Variants in HECW1 observed in about 807,000 individuals in gnomAD.
The protein encoded by HECW1 is HECT, C2 and WW domain containing E3 ubiquitin protein ligase 1, also known as E3 ubiquitin-protein ligase HECW1.
HECW1 carries 61 observed loss-of-function variants against 182.3 expected under a neutral mutation model. That is an observed-to-expected ratio of 0.33 (90% CI 0.27 to 0.41). The LOEUF is 0.41. Among genes scored for constraint, HECW1 ranks in the 10% least tolerant of loss-of-function variants. The probability of loss-of-function intolerance (pLI) is 1.00; values close to 1 mark genes in which losing one functional copy is unlikely to be tolerated. For synonymous variants in HECW1, 859 were observed against 832.6 expected, an observed-to-expected ratio of 1.03 and a Z score of -0.55; for missense variants, 1,739 against 2,108.9, an observed-to-expected ratio of 0.82 and a Z score of 3.44.
chr7:43,206,696 C>T (rs1795513182), intron 2 of HECW1, among the ~76,000 whole-genome samples: 1 of 152,306 alleles, frequency 6.6e-6, no homozygotes, highest in East Asian at 1.9e-4. Context: ...TTTTTGTAAA[C>T]TTCCAAGTCT....
At chr7:43,390,559 A>C (rs1215858337) in intron 6 of HECW1, among the ~76,000 whole-genome samples, 2 of 151,526 alleles carry the variant, frequency 1.3e-5, no homozygotes, top group East Asian at 1.9e-4. Context: ...CAAAAAAAAA[A>C]CAGCAGAGTT....
At chr7:43,267,452 A>G (rs1163506193) in intron 3 of HECW1, among the ~76,000 whole-genome samples, 1 of 152,082 alleles carries the variant, frequency 6.6e-6, no homozygotes. Flanking sequence ...GACTAAAATT[A>G]TTTACAGGGA....
intron 6 of HECW1, among the ~76,000 whole-genome samples, chr7:43,383,392 CCCA>C (rs1402178572): frequency 6.6e-6 from 1 of 152,234 alleles, no homozygotes; most frequent in Non-Finnish European, 1.5e-5. Flanking sequence ...AATTTACACT[CCCA>C]CCAATAGTGT....
rs145955746 is a variant in HECW1, at chr7:43,420,768, C to T, written c.801+13037C>T. ...AGAGGAGGAATATGGTTACACCGTG[C>T]ACTACCACTTTGCTGAGAGAAATTT... On this transcript the variant is annotated intron_variant, in intron 8 of 29. Coordinates refer to ENST00000395891, the MANE Select transcript of HECW1 (RefSeq NM_015052.5). 6.6e-3 allele frequency among the ~76,000 whole-genome samples: 1,010 copies of T among 152,276 alleles called. 10 individuals carry two copies. Among genetic ancestry groups the T allele is most frequent in the Admixed American group, 0.011 (166 of 15,298 alleles).
intron 3 of HECW1, among the ~76,000 whole-genome samples, chr7:43,256,065 T>C (rs1345845564): frequency 5.9e-5 from 9 of 152,210 alleles, no homozygotes; most frequent in Non-Finnish European, 2.9e-5. Flanking sequence ...AGTGTGCTGC[T>C]CACCATCTCA....
intron 2 of HECW1, chr7:43,162,905 A>G (rs890078324): frequency 1.4e-4 from 21 of 152,214 alleles, no homozygotes; most frequent in African/African-American, 5.1e-4. Context: ...AGAGGCAACT[A>G]TTGTTACTGT....
At chr7:43,360,608 A>G (rs1353685879) in intron 5 of HECW1, among the ~76,000 whole-genome samples, 2 of 152,218 alleles carry the variant, frequency 1.3e-5, no homozygotes. Context: ...AGTGTTTTAA[A>G]TCAATGACCT....
intron 2 of HECW1, chr7:43,118,437 G>A (rs1281020496): frequency 1.3e-5 from 2 of 152,588 alleles, no homozygotes; most frequent in African/African-American, 4.8e-5. Context: ...GGGAAAAGAT[G>A]GGGAGAATAA....
intron 8 of HECW1, among the ~76,000 whole-genome samples, chr7:43,416,287 T>C (rs1437559320): frequency 1.1e-3 from 158 of 146,950 alleles, no homozygotes; most frequent in African/African-American, 2.8e-3. Flanking sequence ...AGTACCCTGC[T>C]GTGTGAGGTG....
At chr7:43,225,788 G>T (rs1797370194) in intron 2 of HECW1, among the ~76,000 whole-genome samples, 1 of 151,988 alleles carries the variant, frequency 6.6e-6, no homozygotes, top group African/African-American at 2.4e-5. Context: ...TAACTGAATA[G>T]ATCTTTTTTT....
chr7:43,213,439 A>ATTTTT (rs35199868), intron 2 of HECW1, among the ~76,000 whole-genome samples: 11 of 92,478 alleles, frequency 1.2e-4, no homozygotes, highest in East Asian at 7.9e-4. Context: ...GATCATAAGA[A>ATTTTT]TTTTTTTTTT....
intron 17 of HECW1, among the ~76,000 whole-genome samples, chr7:43,488,872 A>G (rs1198218772): frequency 1.3e-5 from 2 of 152,128 alleles, no homozygotes; most frequent in African/African-American, 4.8e-5. Context: ...TATTTCCTCT[A>G]TCACACTCAT....
intron 2 of HECW1, among the ~76,000 whole-genome samples, chr7:43,143,173 G>A (rs111333403): frequency 8.5e-5 from 13 of 152,290 alleles, no homozygotes; most frequent in African/African-American, 2.9e-4. Context: ...GTTTTACCAT[G>A]TTGGCCAGAC....
chr7:43,307,113 C>A (rs920220910), intron 3 of HECW1, among the ~76,000 whole-genome samples: 1 of 152,140 alleles, frequency 6.6e-6, no homozygotes, highest in African/African-American at 2.4e-5. Flanking sequence ...GGTTTTTACT[C>A]CCATAGCAGG....
chr7:43,172,953 C>G (rs532695533), intron 2 of HECW1, among the ~76,000 whole-genome samples: 7 of 152,158 alleles, frequency 4.6e-5, no homozygotes, highest in Non-Finnish European at 1.0e-4. Context: ...CTTGAATGTG[C>G]CTTTAAGCAC....
chr7:43,463,677 G>A lies in HECW1; in HGVS notation c.2669G>A (p.Arg890Gln), dbSNP rs1260330810. The A allele has an allele frequency of 6.2e-6, 10 of 1,613,550 alleles. No homozygotes were observed. The highest frequency in any genetic ancestry group is 1.3e-5 in the African/African-American group (1 of 74,854). Residue 890 changes from arginine to glutamine, a missense_variant, in exon 14 of 30, where the codon CGA becomes CAA. Arg to Gln is a conservative substitution (Grantham distance 43, BLOSUM62 1). This residue lies in a region of HECW1 where 971 missense variants were observed against 1,029.1 expected (regional missense o/e 0.94). Coordinates refer to ENST00000395891, the MANE Select transcript of HECW1 (RefSeq NM_015052.5). ...QLNRRYQNIQ[R>Q]TIATERSEED... ...ATGCAAAGGTATCAAAACATTCAGC[G>A]AACCATTGCAACAGAGAGGTCCGAA...
intron 12 of HECW1, among the ~76,000 whole-genome samples, chr7:43,455,883 C>G (rs2077386178): frequency 6.6e-6 from 1 of 152,088 alleles, no homozygotes; most frequent in Non-Finnish European, 1.5e-5. Flanking sequence ...CACCTGTAAT[C>G]CCAGCTACTT....
At chr7:43,439,247 A>G (rs968398325) in intron 9 of HECW1, 1 of 152,212 alleles carries the variant, frequency 6.6e-6, no homozygotes, top group Non-Finnish European at 1.5e-5. Context: ...TAGTCCTCAT[A>G]ATGCTTCTGT....
chr7:43,330,573 G>A (rs1454934758), intron 5 of HECW1, among the ~76,000 whole-genome samples: 1 of 152,222 alleles, frequency 6.6e-6, no homozygotes, highest in Non-Finnish European at 1.5e-5. Context: ...GGAAGTCAAG[G>A]GAGGAGAAAC....
Sources: allele counts gnomAD v4.1 joint callset (sites outside exome capture counted in the v4.1 genomes callset), GRCh38; gene constraint gnomAD v4.1.1; regional missense constraint gnomAD v4.1.1; transcripts MANE v1.5; gene names NCBI Gene and HGNC (gene_info 2026-07-23, HGNC 2026-07-21).